Variants in CLCN1 observed in about 807,000 individuals in gnomAD.
The protein encoded by CLCN1 is chloride channel protein 1.
A neutral mutation model predicts 114.5 loss-of-function variants in CLCN1; 100 were observed. The observed-to-expected ratio is 0.87, with a 90% confidence interval of 0.74 to 1.03. The LOEUF is 1.03. Among genes scored for constraint, CLCN1 ranks in the 50% least tolerant of loss-of-function variants. The pLI, the probability that CLCN1 is intolerant of heterozygous loss-of-function variation, is 0.00. For missense variants in CLCN1, 1,188 were observed against 1,250.0 expected, an observed-to-expected ratio of 0.95 and a Z score of 0.75; for synonymous variants, 485 against 487.1, an observed-to-expected ratio of 1.00 and a Z score of 0.06.
chr7:143,325,898 G>A (rs548081430), intron 7 of CLCN1, among the ~76,000 whole-genome samples: 40 of 152,326 alleles, frequency 2.6e-4, no homozygotes, highest in Non-Finnish European at 4.6e-4. Flanking sequence ...ATAAAACATT[G>A]CTGTTGACAC....
At chr7:143,329,677 AAG>A (rs1448704743) in intron 7 of CLCN1, among the ~76,000 whole-genome samples, 1 of 152,106 alleles carries the variant, frequency 6.6e-6, no homozygotes, top group Non-Finnish European at 1.5e-5. Context: ...CATGGAGAGA[AAG>A]GGGACAAACC....
At chr7:143,338,507 C>T (rs553910157) in intron 12 of CLCN1, among the ~76,000 whole-genome samples, 76 of 152,074 alleles carry the variant, frequency 5.0e-4, no homozygotes, top group Non-Finnish European at 9.0e-4. Flanking sequence ...GCTCCTTGGC[C>T]GGGCGCATCG....
chr7:143,351,538 C>G, intron 22 of CLCN1, 56 bp from the exon 23 acceptor site: 2 of 1,585,250 alleles, frequency 1.3e-6, no homozygotes, highest in South Asian at 2.3e-5. Flanking sequence ...TCACTGCCCC[C>G]GTCTTTTTTC....
chr7:143,331,256 C>T lies in CLCN1; in HGVS notation c.1004C>T (p.Thr335Ile). 6.2e-7 allele frequency: 1 copy of T among 1,613,554 alleles called. No homozygotes were observed. Among genetic ancestry groups the T allele is most frequent in the Non-Finnish European group, 8.5e-7 (1 of 1,179,442 alleles). The change falls in exon 9 of 23, where the codon ACC (threonine) becomes ATC (isoleucine). Residue 335 changes from threonine (T) to isoleucine (I), a missense_variant. Thr to Ile is a moderately conservative substitution (Grantham distance 89). Coordinates refer to ENST00000343257, the MANE Select transcript of CLCN1 (RefSeq NM_000083.3). ...DAVTITALFR[T>I]NFRMDFPFDL... Reference sequence around the variant, plus strand: ...GTCACCATCACTGCTCTGTTCAGAACCAATTTCCGAATGGATTTCCCCTTT... The same window carrying T: ...GTCACCATCACTGCTCTGTTCAGAATCAATTTCCGAATGGATTTCCCCTTT...
At chr7:143,343,717 T>TTTCTC (rs1803150237) in intron 16 of CLCN1, among the ~76,000 whole-genome samples, 1 of 151,862 alleles carries the variant, frequency 6.6e-6, no homozygotes, top group African/African-American at 2.4e-5. Flanking sequence ...TTTCTTTCTC[T>TTTCTC]TTCTTTCTTT....
At chr7:143,346,765 G>A in intron 19 of CLCN1, 107 bp downstream of exon 19, 2 of 1,217,276 alleles carry the variant, frequency 1.6e-6, no homozygotes, top group Non-Finnish European at 2.4e-6. Context: ...CCAAGGAGGA[G>A]GAGTTTAATC....
Position 143,339,857 on chromosome 7 carries a change from T to C in CLCN1, c.1582+236T>C, listed in dbSNP as rs553102221. Among the ~76,000 whole-genome samples the C allele has an allele frequency of 6.6e-6, 1 of 152,334 alleles. No individual in the cohort carries two copies. Among genetic ancestry groups the C allele is most frequent in the East Asian group, 1.9e-4 (1 of 5,190 alleles). On this transcript the variant is annotated intron_variant, in intron 14 of 22. Transcript: ENST00000343257. The surrounding 1 kb of genome is among the most constrained non-coding windows in gnomAD (Gnocchi z 4.1). ...AAAGGATCATAGGGATCAAATGAGA[T>C]CATAAGATTCTAGGATTGTGTCTGG...
intron 12 of CLCN1, among the ~76,000 whole-genome samples, chr7:143,337,464 T>C (rs2116861761): frequency 6.6e-6 from 1 of 151,876 alleles, no homozygotes; most frequent in East Asian, 1.9e-4. Flanking sequence ...GAGACTTTCT[T>C]AGAGTCTTTG....
chr7:143,337,342 C>T (rs368511040), intron 12 of CLCN1, among the ~76,000 whole-genome samples: 7 of 152,310 alleles, frequency 4.6e-5, no homozygotes, highest in Non-Finnish European at 8.8e-5. Context: ...GATTCTCAGT[C>T]TCTATTCTCT....
At chr7:143,351,004 C>G (rs1023798503) in intron 22 of CLCN1, among the ~76,000 whole-genome samples, 1 of 152,168 alleles carries the variant, frequency 6.6e-6, no homozygotes, top group Non-Finnish European at 1.5e-5. Flanking sequence ...TCTCAAACTC[C>G]TGACCTCAGG....
chr7:143,340,543 T>G (rs755492647), intron 14 of CLCN1, among the ~76,000 whole-genome samples: 79 of 152,266 alleles, frequency 5.2e-4, no homozygotes, highest in Non-Finnish European at 9.4e-4. Context: ...CTCCTTCTCT[T>G]CTCTTCTTTT....
chr7:143,323,652 G>A (rs1586488347), intron 6 of CLCN1: 1 of 623,230 alleles, frequency 1.6e-6, no homozygotes, highest in Non-Finnish European at 3.1e-6. Flanking sequence ...CTGCTCCCAT[G>A]CTCTCCCTGC....
intron 5 of CLCN1, among the ~76,000 whole-genome samples, chr7:143,322,540 T>G (rs1802469023): frequency 6.6e-6 from 1 of 152,222 alleles, no homozygotes; most frequent in Non-Finnish European, 1.5e-5. Context: ...TTGTTGTTGT[T>G]GAGACAGTGT....
intron 12 of CLCN1, among the ~76,000 whole-genome samples, chr7:143,336,406 T>C (rs947882105): frequency 1.8e-4 from 27 of 151,368 alleles, no homozygotes; most frequent in African/African-American, 6.0e-4. Context: ...GGTCAAGAGT[T>C]TGAGACCAGC....
In CLCN1 at chr7:143,321,595, G is replaced by A; in HGVS notation, c.562+102G>A. The A allele has an allele frequency of 5.0e-6, 8 of 1,604,684 alleles. No individual in the cohort carries two copies. In the South Asian group the frequency reaches 8.8e-5, roughly 18 times the overall value. Reference sequence around the variant, plus strand: ...CCCACCCACAGCCCTGTGCTGCCTTGCCCCATCCTCCCCACCACTGCCTCT... The same window carrying A: ...CCCACCCACAGCCCTGTGCTGCCTTACCCCATCCTCCCCACCACTGCCTCT... On this transcript the variant is annotated intron_variant, in intron 4 of 22. Coordinates refer to ENST00000343257, the MANE Select transcript of CLCN1 (RefSeq NM_000083.3). The surrounding 1 kb of genome is among the most constrained non-coding windows in gnomAD (Gnocchi z 4.2).
chr7:143,345,425 G>A lies in CLCN1; in HGVS notation c.1931-96G>A, dbSNP rs1803202250. 8 of 1,406,884 alleles carry A rather than the reference G, an allele frequency of 5.7e-6. No homozygotes were observed. In the East Asian group the frequency reaches 2.0e-4, roughly 36 times the overall value. 87.2% of individuals were successfully genotyped at this position (1,406,884 alleles called of 1,614,324 possible). A position where few individuals can be genotyped will look rare whatever the true frequency, so the allele number is the denominator to read the frequency against. ...GAGAAAGATGTGGGGACGCCGGGCAGGGTGGCGCCTCTCCTGTTCCTTCTC... is the reference window on the plus strand; with the variant it reads ...GAGAAAGATGTGGGGACGCCGGGCAAGGTGGCGCCTCTCCTGTTCCTTCTC... On this transcript the variant is annotated intron_variant, in intron 16 of 22. Coordinates refer to ENST00000343257, the MANE Select transcript of CLCN1 (RefSeq NM_000083.3).
intron 16 of CLCN1, 68 bp from the exon 17 acceptor site, chr7:143,345,453 G>T: frequency 6.8e-7 from 1 of 1,468,692 alleles, no homozygotes; most frequent in Non-Finnish European, 9.1e-7. Flanking sequence ...TCCTTCTCAG[G>T]AGTGCGGAGC....
intron 12 of CLCN1, among the ~76,000 whole-genome samples, chr7:143,336,604 C>CAAAAAAAAAAAAAAAAAAAAAAAA (rs573516521): frequency 1.2e-5 from 1 of 80,430 alleles, no homozygotes; most frequent in African/African-American, 4.7e-5. Context: ...AAGACTCTGT[C>CAAAAAAAAAAAAAAAAAAAAAAAA]AAAAAAAAAA....
intron 7 of CLCN1, among the ~76,000 whole-genome samples, chr7:143,328,383 A>C (rs1802630744): frequency 6.6e-6 from 1 of 152,124 alleles, no homozygotes; most frequent in Admixed American, 6.5e-5. Context: ...GAAGAGAGCA[A>C]TGTTCCAGAA....
Sources: gnomAD v4.1 joint callset for allele counts (sites outside exome capture counted in the v4.1 genomes callset) on GRCh38, gnomAD v4.1.1 for gene constraint, Gnocchi (gnomAD v3.1) non-coding constraint, MANE v1.5 for transcripts, NCBI Gene and HGNC (gene_info 2026-07-23, HGNC 2026-07-21) for gene names.